The following VPS26A variants were observed in gnomAD, a reference collection of about 807,000 sequenced individuals.
VPS26A encodes the protein vacuolar protein sorting-associated protein 26A.
Under a neutral mutation model 42.4 loss-of-function variants are expected in VPS26A, and 22 were observed. That is an observed-to-expected ratio of 0.52 (90% confidence interval 0.37 to 0.74). The LOEUF is 0.74. VPS26A is among the 30% of genes least tolerant of loss of function. VPS26A has a pLI of 0.00. For missense variants in VPS26A, 276 were observed against 379.2 expected (o/e 0.73, Z 2.26); for synonymous variants, 110 against 123.5 (o/e 0.89, Z 0.73).
chr10:69,172,831 A>G lies in VPS26A; in HGVS notation c.*1562A>G, dbSNP rs769332115. 10 of 152,606 alleles carry G rather than the reference A, an allele frequency of 6.6e-5. No individual in the cohort carries two copies. Among genetic ancestry groups the G allele is most frequent in the Non-Finnish European group, 1.3e-4 (9 of 68,038 alleles). 9.5% of individuals were successfully genotyped at this position (152,606 alleles called of 1,614,324 possible). A position where few individuals can be genotyped will look rare whatever the true frequency, so the allele number is the denominator to read the frequency against. On this transcript the variant is annotated 3_prime_UTR_variant, in exon 9 of 9. Transcript: ENST00000263559. ...TTAACCAGCCTCAAATTGTGCAACC[A>G]TGATGTATAATAAAGAATTTGAAAC...
At chr10:69,167,885 A>C (rs1302206058) in intron 7 of VPS26A, among the ~76,000 whole-genome samples, 1 of 152,208 alleles carries the variant, frequency 6.6e-6, no homozygotes, top group Non-Finnish European at 1.5e-5. Context: ...TATGAGTAAC[A>C]AGTATTCAAT....
At chr10:69,151,276 A>AAAAAAAAAC (rs1554854511) in intron 2 of VPS26A, among the ~76,000 whole-genome samples, 1 of 69,128 alleles carries the variant, frequency 1.4e-5, no homozygotes, top group African/African-American at 4.0e-5. Context: ...AAAAAAAAAA[A>AAAAAAAAAC]AAAAAAACAC....
chr10:69,127,260 C>T (rs951608649), intron 1 of VPS26A, among the ~76,000 whole-genome samples: 5 of 149,786 alleles, frequency 3.3e-5, no homozygotes, highest in African/African-American at 1.2e-4. Context: ...AGTTCATTTT[C>T]GATATGCCCT....
chr10:69,155,955 C>A, intron 3 of VPS26A, 68 bp downstream of exon 3: 6 of 1,238,906 alleles, frequency 4.8e-6, no homozygotes, highest in South Asian at 4.0e-5. Flanking sequence ...GGATTTTGCA[C>A]CAAAATAATT....
At chr10:69,130,051 A>G (rs936167588) in intron 1 of VPS26A, among the ~76,000 whole-genome samples, 2 of 152,210 alleles carry the variant, frequency 1.3e-5, no homozygotes, top group Non-Finnish European at 2.9e-5. Context: ...CCATTGATAT[A>G]GTTTGCTACT....
chr10:69,164,058 C>T (rs1480768792), intron 6 of VPS26A, among the ~76,000 whole-genome samples: 4 of 152,036 alleles, frequency 2.6e-5, no homozygotes, highest in Admixed American at 6.6e-5. Flanking sequence ...TGAGCCACCG[C>T]GCCCGGCCTA....
intron 2 of VPS26A, among the ~76,000 whole-genome samples, chr10:69,137,836 A>G (rs1048397336): frequency 1.4e-5 from 2 of 146,770 alleles, no homozygotes; most frequent in African/African-American, 5.4e-5. Flanking sequence ...GGGCCCTAGG[A>G]TTTTTCTTTT....
In VPS26A at chr10:69,172,047, A is replaced by G. The variant is rs1454381607; in HGVS notation, c.*778A>G. On this transcript the variant is annotated 3_prime_UTR_variant, in exon 9 of 9. Transcript: ENST00000263559. Reference sequence around the variant, plus strand: ...GAGTTGACTTAGCTTGGCATTTTAGATTTGTTAAAACTATTTTTTCCATAA... The same window carrying G: ...GAGTTGACTTAGCTTGGCATTTTAGGTTTGTTAAAACTATTTTTTCCATAA... 2 of 152,052 alleles carry G rather than the reference A, an allele frequency of 1.3e-5. No individual in the cohort carries two copies. The highest frequency in any genetic ancestry group is 2.4e-5 in the African/African-American group (1 of 41,416). The allele number at this position is 152,052 out of a possible 1,614,324, so 9.4% of individuals were successfully genotyped here.
At chr10:69,166,203 G>T (rs1841684266) in intron 7 of VPS26A, 93 bp downstream of exon 7, 1 of 1,181,830 alleles carries the variant, frequency 8.5e-7, no homozygotes, top group East Asian at 2.4e-5. Flanking sequence ...AAGTATCTTT[G>T]AATTCTTAAA....
intron 8 of VPS26A, 130 bp downstream of exon 8, chr10:69,168,761 A>C: frequency 8.8e-7 from 1 of 1,130,766 alleles, no homozygotes; most frequent in South Asian, 1.9e-5. Context: ...TGGGTATGAT[A>C]GATAAAGAAG....
At chr10:69,152,451 C>T (rs1231330652) in intron 2 of VPS26A, among the ~76,000 whole-genome samples, 1 of 152,094 alleles carries the variant, frequency 6.6e-6, no homozygotes, top group East Asian at 1.9e-4. Flanking sequence ...AATATTCCAT[C>T]ATATGGTGTA....
intron 5 of VPS26A, 70 bp downstream of exon 5, chr10:69,158,281 G>T (rs1841476965): frequency 1.6e-5 from 20 of 1,280,130 alleles, no homozygotes; most frequent in Non-Finnish European, 2.0e-5. Flanking sequence ...TTTGTCAGTT[G>T]GTCAAAGTAA....
At position 69,161,689 on chromosome 10, in the gene VPS26A, C is replaced by G. The variant is rs993881037; in HGVS notation, c.552-717C>G. On this transcript the variant is annotated intron_variant, in intron 5 of 8. Transcript: ENST00000263559. ...TCCCCAGTTTCTTCTTGTCATCAAC[C>G]GGGGTTCAGCACAAAGGGCCTCCAC... The G allele has an allele frequency of 2.7e-5, 10 of 372,918 alleles. No homozygotes were observed. The Admixed American group carries it at 2.7e-4, about 10-fold the overall frequency. 23.1% of individuals were successfully genotyped at this position (372,918 alleles called of 1,614,324 possible). A position where few individuals can be genotyped will look rare whatever the true frequency, so the allele number is the denominator to read the frequency against.
intron 2 of VPS26A, among the ~76,000 whole-genome samples, chr10:69,139,250 AG>A (rs1353767438): frequency 1.3e-5 from 2 of 152,110 alleles, no homozygotes; most frequent in Non-Finnish European, 2.9e-5. Context: ...CTTAAAAGTT[AG>A]TTTTTCTGAA....
At chr10:69,168,736 T>TA in intron 8 of VPS26A, 105 bp downstream of exon 8, 4 of 1,392,948 alleles carry the variant, frequency 2.9e-6, no homozygotes, top group Non-Finnish European at 3.9e-6. Flanking sequence ...AGTTTCTAAA[T>TA]AAATAAAAAC....
intron 2 of VPS26A, 104 bp downstream of exon 2, chr10:69,133,151 GAGAT>G: frequency 8.4e-7 from 1 of 1,192,258 alleles, no homozygotes; most frequent in Non-Finnish European, 1.1e-6. Flanking sequence ...ATGAGGGAGA[GAGAT>G]TTTTTTTTCC....
intron 1 of VPS26A, among the ~76,000 whole-genome samples, chr10:69,131,655 C>G (rs1010801045): frequency 6.6e-6 from 1 of 151,930 alleles, no homozygotes; most frequent in African/African-American, 2.4e-5. Flanking sequence ...ATGGTGTGAA[C>G]CCGGGAGGCG....
intron 2 of VPS26A, among the ~76,000 whole-genome samples, chr10:69,137,553 A>C (rs1840941389): frequency 1.3e-5 from 2 of 152,270 alleles, no homozygotes; most frequent in Non-Finnish European, 2.9e-5. Flanking sequence ...CGTTGTCTTC[A>C]AGGCCAGGAG....
At chr10:69,149,082 T>G (rs531106505) in intron 2 of VPS26A, among the ~76,000 whole-genome samples, 258 of 139,022 alleles carry the variant, frequency 1.9e-3, no homozygotes, top group Non-Finnish European at 2.8e-3. Context: ...TGTAGATCTG[T>G]TTTTTTTTAC....
Sources: gnomAD v4.1 joint callset for allele counts (sites outside exome capture counted in the v4.1 genomes callset) on GRCh38, gnomAD v4.1.1 for gene constraint, MANE v1.5 for transcripts, NCBI Gene and HGNC (gene_info 2026-07-23, HGNC 2026-07-21) for gene names.